Variants in SMARCC1 observed in about 807,000 individuals in gnomAD.
The protein encoded by SMARCC1 is SWI/SNF complex subunit SMARCC1.
SMARCC1 carries 43 observed loss-of-function variants against 147.4 expected under a neutral mutation model. That is an observed-to-expected ratio of 0.29 (90% confidence interval 0.23 to 0.38). The LOEUF is 0.38. Ranked by LOEUF, SMARCC1 falls within the 10% of genes least tolerant of loss-of-function variation. The pLI is 1.00. For missense variants in SMARCC1, 1,119 were observed against 1,381.1 expected (o/e 0.81, Z 3.01); for synonymous variants, 495 against 484.4 (o/e 1.02, Z -0.29).
In SMARCC1 at chr3:47,587,601, T is replaced by A. The variant is rs1301716134; in HGVS notation, c.*608A>T. Reference sequence around the variant, plus strand: ...AAATCACTGAGGTTCTCCTTCCACATCTCGTTTAATTTTCACAAATTTGTG... The same window carrying A: ...AAATCACTGAGGTTCTCCTTCCACAACTCGTTTAATTTTCACAAATTTGTG... On this transcript the variant is annotated 3_prime_UTR_variant, in exon 28 of 28. Coordinates refer to ENST00000254480, the MANE Select transcript of SMARCC1 (RefSeq NM_003074.4). 1 of 152,812 alleles carries A rather than the reference T, an allele frequency of 6.5e-6. No individual in the cohort carries two copies. The allele number at this position is 152,812 out of a possible 1,614,324, so 9.5% of individuals were successfully genotyped here.
At chr3:47,754,084 ACCGTAATAGT>A (rs2106851859) in intron 2 of SMARCC1, among the ~76,000 whole-genome samples, 1 of 152,336 alleles carries the variant, frequency 6.6e-6, no homozygotes, top group South Asian at 2.1e-4. Context: ...GGTCACTGCT[ACCGTAATAGT>A]CTTGGAGACA....
chr3:47,676,747 T>C lies in SMARCC1; in HGVS notation c.1607A>G (p.Asn536Ser). The C allele has an allele frequency of 4.3e-6, 7 of 1,613,718 alleles. No individual in the cohort carries two copies. Among genetic ancestry groups the C allele is most frequent in the Non-Finnish European group, 5.9e-6 (7 of 1,179,992 alleles). Residue 536 changes from asparagine to serine, a missense_variant, in exon 17 of 28, where the codon AAT becomes AGT. This residue lies in a region of SMARCC1 where 178 missense variants were observed against 264.6 expected (regional missense o/e 0.67). Coordinates refer to ENST00000254480, the MANE Select transcript of SMARCC1 (RefSeq NM_003074.4). ...TCTACTTTCCGGGTCAACTTGGTAATTAACGAGTCCCCACTGCTCTAAAAA... is the reference window on the plus strand; with the variant it reads ...TCTACTTTCCGGGTCAACTTGGTAACTAACGAGTCCCCACTGCTCTAAAAA... Reference protein sequence around the residue: ...HAFLEQWGLVNYQVDPESRPM... With the variant: ...HAFLEQWGLVSYQVDPESRPM...
rs76005272 is a variant in SMARCC1 at position 47,588,284 on chromosome 3, C to T, written c.3243G>A (p.Gln1081=). ...NGMYPPPPQQ[Q]PPPPPPADGV... is the part of the protein sequence containing the mutation. ...CATCTGCAGGTGGTGGTGGCGGTGG[C>T]TGCTGCTGTGGTGGAGGGGGATCTG... The change falls in exon 28 of 28, where the codon CAG becomes CAA. Residue 1081 remains glutamine (Q), a synonymous_variant. Transcript: ENST00000254480. 11 of 1,613,652 alleles carry T rather than the reference C, an allele frequency of 6.8e-6. No individual in the cohort carries two copies. The highest frequency in any genetic ancestry group is 9.3e-6 in the Non-Finnish European group (11 of 1,179,850).
In SMARCC1 at chr3:47,689,361, C is replaced by T. The variant is rs777561287; in HGVS notation, c.1263+26G>A. The stretch of plus-strand genomic sequence containing the variant: ...CACAGGACCCTTAGAGAAGCTCTCT[C>T]ACACCAGGCTTAACTGAATTGTTAC... On this transcript the variant is annotated intron_variant, in intron 13 of 27. Transcript: ENST00000254480. 4 of 1,599,614 alleles carry T rather than the reference C, an allele frequency of 2.5e-6. No homozygotes were observed. In the East Asian group the frequency reaches 8.9e-5, roughly 36 times the overall value.
chr3:47,703,095 A>G (rs960527140), intron 10 of SMARCC1, among the ~76,000 whole-genome samples: 1 of 148,890 alleles, frequency 6.7e-6, no homozygotes, highest in Non-Finnish European at 1.5e-5. Context: ...GCACCGGCTA[A>G]TTTTTTTTTT....
Position 47,631,877 on chromosome 3 carries a change from T to C in SMARCC1, c.2646+3313A>G, listed in dbSNP as rs144085120. On this transcript the variant is annotated intron_variant, in intron 24 of 27. Transcript: ENST00000254480. The stretch of plus-strand genomic sequence containing the variant: ...TTACCCCCCTAATTACCATGTAGTA[T>C]GAAAATGATCATGTGTGCTATCAAA... Among the ~76,000 whole-genome samples, 846 of 152,346 alleles carry C rather than the reference T, an allele frequency of 5.6e-3. 4 individuals carry two copies. Among genetic ancestry groups the C allele is most frequent in the Non-Finnish European group, 9.4e-3 (639 of 68,038 alleles).
intron 6 of SMARCC1, among the ~76,000 whole-genome samples, chr3:47,722,097 A>T (rs893596962): frequency 5.3e-5 from 8 of 151,854 alleles, no homozygotes; most frequent in Non-Finnish European, 1.2e-4. Context: ...AAAAAAGAAA[A>T]GGGGCCAGAG....
At chr3:47,756,229 C>T (rs2106855255) in intron 2 of SMARCC1, among the ~76,000 whole-genome samples, 1 of 150,504 alleles carries the variant, frequency 6.6e-6, no homozygotes, top group South Asian at 2.1e-4. Flanking sequence ...ATATACATGA[C>T]TTCAGAAAAG....
At chr3:47,699,213 T>A (rs753368290) in intron 11 of SMARCC1, among the ~76,000 whole-genome samples, 2 of 152,178 alleles carry the variant, frequency 1.3e-5, no homozygotes, top group Non-Finnish European at 1.5e-5. Flanking sequence ...CAAGCAACTG[T>A]GAATAGGGGC....
rs1438878340 is a variant in SMARCC1, at chr3:47,610,149, T to C, written c.2960A>G (p.His987Arg). Reference protein sequence around the residue: ...PGLAPLGAAGHPGMMPHQQPP... With the variant: ...PGLAPLGAAGRPGMMPHQQPP... ...CTGTTGATGAGGCATCATGCCAGGG[T>C]GCCCTGCTGCTCCAAGTGGGGCCAG... is the stretch of plus-strand genomic sequence containing the variant. Residue 987 changes from histidine (H) to arginine (R), a missense_variant, in exon 26 of 28, where the codon CAC (histidine) becomes CGC (arginine). By Grantham distance (29) the His-to-Arg change is conservative. Coordinates refer to ENST00000254480, the MANE Select transcript of SMARCC1 (RefSeq NM_003074.4). The C allele has an allele frequency of 6.2e-7, 1 of 1,613,850 alleles. No individual in the cohort carries two copies. Among genetic ancestry groups the C allele is most frequent in the African/African-American group, 1.3e-5 (1 of 74,916 alleles).
intron 10 of SMARCC1, chr3:47,701,642 C>T (rs1001053325): frequency 1.1e-4 from 45 of 403,330 alleles, no homozygotes; most frequent in South Asian, 7.7e-4. Context: ...AGCGAATCCC[C>T]GTCTCTACTG....
At chr3:47,769,719 ATAATATAAAGTATTTGTTTG>A (rs1021312437) in intron 2 of SMARCC1, among the ~76,000 whole-genome samples, 2 of 152,196 alleles carry the variant, frequency 1.3e-5, no homozygotes, top group Non-Finnish European at 2.9e-5. Context: ...CTGAGGACAA[ATAATATAAAGTATTTGTTTG>A]TATTCTTAGG....
At chr3:47,646,451 A>C (rs1213603374) in intron 21 of SMARCC1, among the ~76,000 whole-genome samples, 1 of 152,232 alleles carries the variant, frequency 6.6e-6, no homozygotes, top group East Asian at 1.9e-4. Flanking sequence ...GGATTAAACG[A>C]CTTAAACAAG....
At chr3:47,626,534 G>C (rs917253664) in intron 24 of SMARCC1, among the ~76,000 whole-genome samples, 1 of 151,550 alleles carries the variant, frequency 6.6e-6, no homozygotes, top group African/African-American at 2.4e-5. Context: ...GGCAGAGCTG[G>C]AACTAAAAAT....
At chr3:47,593,241 G>A (rs1278260947) in intron 26 of SMARCC1, among the ~76,000 whole-genome samples, 1 of 150,508 alleles carries the variant, frequency 6.6e-6, no homozygotes, top group East Asian at 2.0e-4. Flanking sequence ...TCGCGATCCT[G>A]GCTCACTGCA....
At chr3:47,640,845 T>C (rs991063597) in intron 21 of SMARCC1, among the ~76,000 whole-genome samples, 1 of 150,372 alleles carries the variant, frequency 6.7e-6, no homozygotes, top group African/African-American at 2.4e-5. Flanking sequence ...CAAATTATAC[T>C]AAAAAAAAAG....
intron 24 of SMARCC1, among the ~76,000 whole-genome samples, chr3:47,626,076 T>C (rs957845794): frequency 6.6e-6 from 1 of 151,838 alleles, no homozygotes; most frequent in Admixed American, 6.6e-5. Context: ...ATCACGTGAG[T>C]CTGGGAGTTT....
rs1445743188 is a variant in SMARCC1 at position 47,710,919 on chromosome 3, A to G, written c.793-111T>C. On this transcript the variant is annotated intron_variant, in intron 8 of 27. Coordinates refer to ENST00000254480, the MANE Select transcript of SMARCC1 (RefSeq NM_003074.4). ...TATTTTCAAAGCCTCAAATGCATAA[A>G]ACATTAATAATGTGATACTACTAAT... The G allele has an allele frequency of 9.8e-6, 7 of 715,592 alleles. 1 individual carries two copies. Among genetic ancestry groups the G allele is most frequent in the Non-Finnish European group, 1.3e-5 (6 of 452,580 alleles). The allele number at this position is 715,592 out of a possible 1,614,324, so 44.3% of individuals were successfully genotyped here.
intron 5 of SMARCC1, among the ~76,000 whole-genome samples, chr3:47,731,085 C>T (rs1039033173): frequency 8.5e-5 from 13 of 152,184 alleles, no homozygotes; most frequent in African/African-American, 2.7e-4. Flanking sequence ...GCGATGCTGA[C>T]AGCATTTTAC....
Sources: gnomAD v4.1 joint callset for allele counts (sites outside exome capture counted in the v4.1 genomes callset) on GRCh38, gnomAD v4.1.1 for gene constraint, gnomAD v4.1.1 regional missense constraint, MANE v1.5 for transcripts, NCBI Gene and HGNC (gene_info 2026-07-23, HGNC 2026-07-21) for gene names.